Variants in MAGED1 observed in about 807,000 individuals in gnomAD.
MAGED1 encodes the protein MAGE family member D1, also known as melanoma-associated antigen D1.
In MAGED1, 3 loss-of-function variants were observed where a neutral mutation model predicts 54.1. The ratio of observed to expected loss-of-function variants is 0.06; its 90% CI spans 0.03 to 0.14. The LOEUF is 0.14. Ranked by LOEUF, MAGED1 falls within the 10% of genes least tolerant of loss-of-function variation. The pLI, the probability that MAGED1 is intolerant of heterozygous loss-of-function variation, is 1.00. For synonymous variants in MAGED1, 217 were observed against 227.3 expected, an observed-to-expected ratio of 0.95 and a Z score of 0.41; for missense variants, 485 against 623.4, an observed-to-expected ratio of 0.78 and a Z score of 2.36.
At chrX:51,812,005 T>C (rs1405467311) in intron 1 of MAGED1, among the ~76,000 whole-genome samples, 4 of 110,063 alleles carry the variant, frequency 3.6e-5, no homozygotes, top group African/African-American at 1.3e-4. Flanking sequence ...CTGAGTGAGG[T>C]AGACATAGAC....
intron 1 of MAGED1, among the ~76,000 whole-genome samples, chrX:51,835,741 G>A (rs1569555611): frequency 9.0e-6 from 1 of 111,399 alleles, no homozygotes; most frequent in Non-Finnish European, 1.9e-5. Flanking sequence ...AGAAACAGTG[G>A]CTAAGAATTT....
chrX:51,900,609 A>G (rs782735336), intron 11 of MAGED1, among the ~76,000 whole-genome samples: 88 of 111,173 alleles, frequency 7.9e-4, no homozygotes, highest in Admixed American at 1.5e-3. Flanking sequence ...GTAATTTTTA[A>G]GTATTTTGTT....
intron 1 of MAGED1, among the ~76,000 whole-genome samples, chrX:51,841,892 T>G (rs921104217): frequency 3.6e-5 from 4 of 111,944 alleles, no homozygotes; most frequent in Non-Finnish European, 7.5e-5. Flanking sequence ...TTTATTCTTT[T>G]GGCTTAGGAT....
chrX:51,805,965 C>CT (rs57427122), intron 1 of MAGED1, among the ~76,000 whole-genome samples: 23 of 36,939 alleles, frequency 6.2e-4, no homozygotes, highest in Admixed American at 1.6e-3. Flanking sequence ...CTTTTCTTTT[C>CT]TTTTTTTTTT....
chrX:51,898,067 C>T (rs782583868), intron 7 of MAGED1, 47 bp from the exon 8 acceptor site: 5 of 1,132,117 alleles, frequency 4.4e-6, no homozygotes, highest in South Asian at 1.9e-5. Context: ...GTTGGGGTCT[C>T]TCATGCAAAT....
At chrX:51,881,157 G>A (rs911285814) in intron 1 of MAGED1, among the ~76,000 whole-genome samples, 4 of 111,275 alleles carry the variant, frequency 3.6e-5, no homozygotes, top group Non-Finnish European at 7.5e-5. Flanking sequence ...GTGGAGAGCA[G>A]ACCGAGGAAG....
upstream of MAGED1, among the ~76,000 whole-genome samples, chrX:51,888,701 A>G (rs1928327987): frequency 8.9e-6 from 1 of 112,172 alleles, no homozygotes; most frequent in African/African-American, 3.2e-5. Flanking sequence ...GTAGCCCAAA[A>G]CTGGAAATGA....
chrX:51,848,641 A>T (rs782025894), intron 1 of MAGED1, among the ~76,000 whole-genome samples: 2 of 111,866 alleles, frequency 1.8e-5, no homozygotes, highest in East Asian at 5.6e-4. Flanking sequence ...AAACTATCTG[A>T]TCATAATGGT....
chrX:51,869,458 C>T (rs1452306172), intron 1 of MAGED1, among the ~76,000 whole-genome samples: 1 of 111,583 alleles, frequency 9.0e-6, no homozygotes, highest in African/African-American at 3.3e-5. Flanking sequence ...TGAGACTGGA[C>T]AATTTATTAA....
chrX:51,882,485 C>T (rs1342719124), intron 1 of MAGED1, among the ~76,000 whole-genome samples: 1 of 109,762 alleles, frequency 9.1e-6, no homozygotes, highest in Non-Finnish European at 1.9e-5. Flanking sequence ...ATGATGTATT[C>T]TCTAGGGAAC....
At chrX:51,854,899 C>G (rs1272142996) in intron 1 of MAGED1, among the ~76,000 whole-genome samples, 2 of 111,188 alleles carry the variant, frequency 1.8e-5, no homozygotes, top group African/African-American at 6.5e-5. Flanking sequence ...CTACGTTCTT[C>G]CCAATCCTTG....
At chrX:51,896,234 C>T (rs782278030) in intron 3 of MAGED1, 175 bp from the exon 4 acceptor site, 13 of 458,899 alleles carry the variant, frequency 2.8e-5, no homozygotes, top group Middle Eastern at 6.0e-4. Flanking sequence ...TGGCCTGGCT[C>T]GGAGATGAAA....
intron 1 of MAGED1, among the ~76,000 whole-genome samples, chrX:51,829,335 G>GTGTA (rs1557357197): frequency 4.5e-5 from 5 of 109,941 alleles, no homozygotes; most frequent in African/African-American, 1.3e-4. Context: ...GTGTGTGTGT[G>GTGTA]TATATGTATA....
At chrX:51,858,432 G>A (rs1425211597) in intron 1 of MAGED1, among the ~76,000 whole-genome samples, 1 of 112,073 alleles carries the variant, frequency 8.9e-6, no homozygotes, top group African/African-American at 3.2e-5. Flanking sequence ...ACTCTACATT[G>A]GGTTCTATCA....
intron 1 of MAGED1, among the ~76,000 whole-genome samples, chrX:51,852,889 A>G (rs192561867): frequency 1.8e-5 from 2 of 111,920 alleles, no homozygotes; most frequent in East Asian, 5.6e-4. Context: ...AAATGGAGAA[A>G]AAGCTGAAAG....
intron 1 of MAGED1, among the ~76,000 whole-genome samples, chrX:51,833,788 G>T (rs1926152028): frequency 8.9e-6 from 1 of 111,796 alleles, no homozygotes; most frequent in African/African-American, 3.2e-5. Flanking sequence ...GCAGAAAAGT[G>T]TAAATAATAA....
intron 1 of MAGED1, among the ~76,000 whole-genome samples, chrX:51,861,249 A>G (rs1376980372): frequency 9.0e-6 from 1 of 111,693 alleles, no homozygotes. Flanking sequence ...TTTTTATTAT[A>G]GTAAATATAC....
intron 1 of MAGED1, among the ~76,000 whole-genome samples, chrX:51,851,142 C>T (rs1569555745): frequency 9.0e-6 from 1 of 111,547 alleles, no homozygotes; most frequent in Non-Finnish European, 1.9e-5. Flanking sequence ...TGTGGATGGA[C>T]CTTAGGCAAG....
At chrX:51,889,166 G>GTTA (rs782134426), upstream of MAGED1, among the ~76,000 whole-genome samples, 18 of 111,658 alleles carry the variant, frequency 1.6e-4, no homozygotes, top group South Asian at 1.9e-3. Flanking sequence ...TTACACAGAT[G>GTTA]TAACCATTGG....
Sources: allele counts gnomAD v4.1 joint callset (sites outside exome capture counted in the v4.1 genomes callset), GRCh38; gene constraint gnomAD v4.1.1; transcripts MANE v1.5; gene names NCBI Gene and HGNC (gene_info 2026-07-23, HGNC 2026-07-21).